DPP6: variants seen among roughly 807,000 people sequenced by gnomAD.
DPP6 encodes A-type potassium channel modulatory protein DPP6.
In DPP6, 69 loss-of-function variants were observed where a neutral mutation model predicts 122.6. The observed-to-expected ratio is 0.56, with a 90% CI of 0.46 to 0.69. The LOEUF (loss-of-function observed/expected upper bound fraction) is 0.69, where lower values mean the gene tolerates loss of function less well. Ranked by LOEUF, DPP6 falls within the 30% of genes least tolerant of loss-of-function variation. The pLI is 0.00. For synonymous variants in DPP6, 418 were observed against 433.1 expected (o/e 0.97, Z 0.43); for missense variants, 928 against 1,116.9 (o/e 0.83, Z 2.41).
intron 16 of DPP6, among the ~76,000 whole-genome samples, chr7:154,829,972 C>T (rs552522685): frequency 2.0e-5 from 3 of 152,164 alleles, no homozygotes; most frequent in South Asian, 2.1e-4. Flanking sequence ...TGTGCCCTCC[C>T]GCAGCTGTGC....
chr7:153,918,452 A>G (rs1800425158), intron 1 of DPP6, among the ~76,000 whole-genome samples: 2 of 137,380 alleles, frequency 1.5e-5, no homozygotes, highest in South Asian at 5.6e-4. Flanking sequence ...ACACACACAC[A>G]CACACACACA....
chr7:154,731,011 A>C (rs1051671729), intron 8 of DPP6, among the ~76,000 whole-genome samples: 1 of 152,230 alleles, frequency 6.6e-6, no homozygotes, highest in African/African-American at 2.4e-5. Flanking sequence ...GTGGCAGCTT[A>C]ATCTACTTAG....
rs534748977 is a variant in DPP6 at position 154,349,395 on chromosome 7, C to T, written c.244-96819C>T. ...TTCACCATGTCGGCCAGGCTTGTCT[C>T]GAACTCCTGACCTCAGGTGATCCAC... On this transcript the variant is annotated intron_variant, in intron 1 of 25. Transcript: ENST00000377770. Among the ~76,000 whole-genome samples, 6 of 152,334 alleles carry T rather than the reference C, an allele frequency of 3.9e-5. No homozygotes were observed. In the East Asian group the frequency reaches 5.8e-4, roughly 15 times the overall value.
At chr7:154,139,948 T>C (rs1320970438) in intron 1 of DPP6, among the ~76,000 whole-genome samples, 2 of 152,180 alleles carry the variant, frequency 1.3e-5, no homozygotes, top group Non-Finnish European at 2.9e-5. Flanking sequence ...AGATTCCTTC[T>C]CTTGACTTCT....
At chr7:154,451,353 T>A (rs1820350493) in intron 2 of DPP6, among the ~76,000 whole-genome samples, 1 of 109,406 alleles carries the variant, frequency 9.1e-6, no homozygotes, top group Non-Finnish European at 1.8e-5. Flanking sequence ...AGCAAGAGCC[T>A]GTCTCACCAA....
At chr7:153,811,907 A>G in the DPP6 span, among the ~76,000 whole-genome samples, 2 of 151,998 alleles carry the variant, frequency 1.3e-5, no homozygotes, top group African/African-American at 4.8e-5. Flanking sequence ...TGTTATTTTG[A>G]ATGAGCGTGC....
intron 1 of DPP6, among the ~76,000 whole-genome samples, chr7:154,178,555 G>T (rs547372885): frequency 3.4e-4 from 51 of 151,612 alleles, no homozygotes; most frequent in African/African-American, 1.2e-3. Flanking sequence ...ATCCCTCTTT[G>T]AGTGCTCTGC....
At chr7:153,965,757 C>A (rs61482028) in intron 1 of DPP6, among the ~76,000 whole-genome samples, 1 of 151,416 alleles carries the variant, frequency 6.6e-6, no homozygotes, top group Non-Finnish European at 1.5e-5. Context: ...TTGCGAGGCC[C>A]AGACAGGCGG....
At chr7:154,512,077 A>G (rs1277274166) in intron 3 of DPP6, among the ~76,000 whole-genome samples, 6 of 151,942 alleles carry the variant, frequency 3.9e-5, no homozygotes, top group Non-Finnish European at 8.8e-5. Context: ...CATTGACAGA[A>G]GGCTATGTTT....
intron 6 of DPP6, among the ~76,000 whole-genome samples, chr7:154,651,936 G>T (rs1836902522): frequency 6.6e-6 from 1 of 152,230 alleles, no homozygotes; most frequent in Admixed American, 6.5e-5. Context: ...GATGATTTCA[G>T]GCCTTTTTCT....
At chr7:154,608,696 T>C (rs1020661413) in intron 5 of DPP6, among the ~76,000 whole-genome samples, 3 of 152,064 alleles carry the variant, frequency 2.0e-5, no homozygotes, top group Non-Finnish European at 2.9e-5. Context: ...TTTCATGTTA[T>C]TGCTCTTGGG....
chr7:154,173,415 G>A (rs1212666903), intron 1 of DPP6, among the ~76,000 whole-genome samples: 1 of 152,218 alleles, frequency 6.6e-6, no homozygotes. Flanking sequence ...AGCTGGACAA[G>A]TCGAGCAGAT....
intron 1 of DPP6, among the ~76,000 whole-genome samples, chr7:154,104,524 A>G (rs1374175597): frequency 6.6e-6 from 1 of 152,262 alleles, no homozygotes; most frequent in Non-Finnish European, 1.5e-5. Flanking sequence ...TTCAAAGATC[A>G]CATGACATAT....
chr7:154,234,685 A>C (rs1369794125), intron 1 of DPP6, among the ~76,000 whole-genome samples: 1 of 152,164 alleles, frequency 6.6e-6, no homozygotes, highest in Admixed American at 6.5e-5. Context: ...ACACATGCAC[A>C]CACACTTTCT....
intron 1 of DPP6, among the ~76,000 whole-genome samples, chr7:154,067,375 GATGAT>G (rs1295418713): frequency 1.4e-5 from 2 of 147,726 alleles, no homozygotes; most frequent in African/African-American, 5.0e-5. Flanking sequence ...CGATGATTAG[GATGAT>G]TCTTGAAGAG....
At position 154,618,145 on chromosome 7, in the gene DPP6, A is replaced by C. The variant is rs529816708; in HGVS notation, c.628-19676A>C. On this transcript the variant is annotated intron_variant, in intron 5 of 25. Coordinates refer to ENST00000377770, the MANE Select transcript of DPP6 (RefSeq NM_130797.4). This position sits in a 1 kb window ranked among gnomAD's most constrained non-coding sequence, Gnocchi z 4.1. The stretch of plus-strand genomic sequence containing the variant: ...TAAGGCTATTAAAGTTGCTGCTGGA[A>C]GGTTCCAGAGCTGTATGATCCCGGA... Among the ~76,000 whole-genome samples, 2 of 152,294 alleles carry C rather than the reference A, an allele frequency of 1.3e-5. No homozygotes were observed. Among genetic ancestry groups the C allele is most frequent in the East Asian group, 3.9e-4 (2 of 5,180 alleles).
At chr7:154,222,953 AC>A in intron 1 of DPP6, among the ~76,000 whole-genome samples, 1 of 148,900 alleles carries the variant, frequency 6.7e-6, no homozygotes. Context: ...GGACCCTGAC[AC>A]CCCTTCCGTA....
intron 7 of DPP6, among the ~76,000 whole-genome samples, chr7:154,670,898 CT>C (rs1232049185): frequency 1.3e-5 from 2 of 152,104 alleles, no homozygotes; most frequent in East Asian, 3.9e-4. Flanking sequence ...AATATTTTAG[CT>C]ATTATTAACA....
chr7:154,374,256 A>C (rs1385897408), intron 1 of DPP6, among the ~76,000 whole-genome samples: 1 of 152,202 alleles, frequency 6.6e-6, no homozygotes, highest in Non-Finnish European at 1.5e-5. Context: ...AGGAATAGTA[A>C]ATACCTCATA....
Sources: allele counts gnomAD v4.1 joint callset (sites outside exome capture counted in the v4.1 genomes callset), GRCh38; gene constraint gnomAD v4.1.1; non-coding constraint Gnocchi (gnomAD v3.1); transcripts MANE v1.5; gene names NCBI Gene and HGNC (gene_info 2026-07-23, HGNC 2026-07-21).